The following STK32A variants were observed in gnomAD, a reference collection of about 807,000 sequenced individuals.
The protein encoded by STK32A is serine/threonine kinase 32A.
In STK32A, 41 loss-of-function variants were observed where a neutral mutation model predicts 53.2. The ratio of observed to expected loss-of-function variants is 0.77; its 90% CI spans 0.60 to 1.00. STK32A has a LOEUF of 1.00. Ranked by LOEUF, STK32A falls within the 50% of genes least tolerant of loss-of-function variation. The pLI is 0.00. For missense variants in STK32A, 458 were observed against 485.8 expected (o/e 0.94, Z 0.54); for synonymous variants, 166 against 162.8 (o/e 1.02, Z -0.15).
intron 7 of STK32A, among the ~76,000 whole-genome samples, chr5:147,357,965 CTCTT>C (rs1016525097): frequency 7.9e-5 from 12 of 152,048 alleles, no homozygotes; most frequent in African/African-American, 2.4e-4. Flanking sequence ...GGATGCGGGA[CTCTT>C]TCTTTATTCT....
intron 2 of STK32A, among the ~76,000 whole-genome samples, chr5:147,259,626 G>T (rs772260550): frequency 3.9e-4 from 59 of 151,988 alleles, no homozygotes; most frequent in Admixed American, 3.3e-3. Flanking sequence ...CATGTGCCAC[G>T]TTGGTGTGCT....
chr5:147,288,161 G>C (rs1335248153), intron 4 of STK32A, among the ~76,000 whole-genome samples: 2 of 152,074 alleles, frequency 1.3e-5, no homozygotes, highest in African/African-American at 4.8e-5. Context: ...CATTAACAAT[G>C]ATAGAAGAAA....
the STK32A span, chr5:147,397,753 G>A: frequency 1.9e-6 from 3 of 1,614,078 alleles, no homozygotes; most frequent in African/African-American, 2.7e-5. Flanking sequence ...TCACGTGCAG[G>A]TTGCCATCTT....
At chr5:147,381,270 G>A (rs925611657) in intron 11 of STK32A, among the ~76,000 whole-genome samples, 7 of 152,136 alleles carry the variant, frequency 4.6e-5, no homozygotes, top group Non-Finnish European at 1.0e-4. Context: ...AAATCTGCCC[G>A]TCATCTTATG....
At chr5:147,262,132 C>A (rs1326172658) in intron 2 of STK32A, among the ~76,000 whole-genome samples, 1 of 152,126 alleles carries the variant, frequency 6.6e-6, no homozygotes, top group African/African-American at 2.4e-5. Flanking sequence ...CATTAAAGAG[C>A]AGATACTGAG....
intron 2 of STK32A, among the ~76,000 whole-genome samples, chr5:147,261,117 G>A (rs994750958): frequency 1.3e-5 from 2 of 152,126 alleles, no homozygotes; most frequent in Non-Finnish European, 2.9e-5. Context: ...CTGCCACAAG[G>A]GGACGGGGTG....
intron 2 of STK32A, among the ~76,000 whole-genome samples, chr5:147,276,311 T>C (rs1440024706): frequency 6.6e-6 from 1 of 152,212 alleles, no homozygotes; most frequent in Admixed American, 6.5e-5. Flanking sequence ...TACTCAAGTA[T>C]ATGAAATGGA....
At chr5:147,237,247 AG>A (rs1489712263) in intron 1 of STK32A, among the ~76,000 whole-genome samples, 3 of 151,994 alleles carry the variant, frequency 2.0e-5, no homozygotes, top group Non-Finnish European at 4.4e-5. Flanking sequence ...CAGGAGGCAG[AG>A]CTTGCAGTGA....
rs1329049675 is a variant in STK32A at position 147,317,591 on chromosome 5, C to T, written c.261-6307C>T. 1.3e-5 allele frequency among the ~76,000 whole-genome samples: 2 copies of T among 152,024 alleles called. 1 individual carries two copies. The highest frequency in any genetic ancestry group is 2.9e-5 in the Non-Finnish European group (2 of 68,000). On this transcript the variant is annotated intron_variant, in intron 4 of 12. Transcript: ENST00000397936. ...CCACCCGCTTCAGCCTCCCAAAGTG[C>T]TGGGATTGCAGGCGTGAGCCACTGC...
chr5:147,336,320 T>C (rs756319098), intron 5 of STK32A, among the ~76,000 whole-genome samples: 5 of 152,012 alleles, frequency 3.3e-5, no homozygotes, highest in Non-Finnish European at 7.4e-5. Flanking sequence ...CAGCCCCTTT[T>C]CCAATCTCCC....
At position 147,254,160 on chromosome 5, in the gene STK32A, G is replaced by A. The variant is rs145008010; in HGVS notation, c.52+14474G>A. On this transcript the variant is annotated intron_variant, in intron 2 of 12. Coordinates refer to ENST00000397936, the MANE Select transcript of STK32A (RefSeq NM_001112724.2). ...ATTTTGATACTGTACCATCTTAACC[G>A]AACATGTTATATCTGCAACAACCCC... Among the ~76,000 whole-genome samples the A allele has an allele frequency of 1.6e-3, 250 of 152,228 alleles. 1 individual carries two copies. The highest frequency in any genetic ancestry group is 5.5e-3 in the African/African-American group (228 of 41,536).
At chr5:147,374,033 G>A (rs1252909617) in intron 10 of STK32A, among the ~76,000 whole-genome samples, 1 of 152,108 alleles carries the variant, frequency 6.6e-6, no homozygotes, top group African/African-American at 2.4e-5. Flanking sequence ...GGCAGCTCAG[G>A]CCTGCAATCT....
chr5:147,350,524 G>C (rs1483843421), intron 6 of STK32A, among the ~76,000 whole-genome samples: 2 of 151,816 alleles, frequency 1.3e-5, no homozygotes, highest in African/African-American at 4.8e-5. Flanking sequence ...ACCACGCCCA[G>C]CTAATTTTTT....
At chr5:147,256,847 G>C (rs1754259466) in intron 2 of STK32A, among the ~76,000 whole-genome samples, 1 of 152,032 alleles carries the variant, frequency 6.6e-6, no homozygotes. Context: ...TAGCTATCTT[G>C]GTCTTGTTGT....
At chr5:147,259,687 A>G (rs1292547448) in intron 2 of STK32A, among the ~76,000 whole-genome samples, 1 of 151,428 alleles carries the variant, frequency 6.6e-6, no homozygotes, top group African/African-American at 2.4e-5. Flanking sequence ...TACTACTTCT[A>G]TCTCTTTCTT....
chr5:147,246,912 A>C (rs1278088564), intron 2 of STK32A, among the ~76,000 whole-genome samples: 2 of 152,190 alleles, frequency 1.3e-5, no homozygotes, highest in Non-Finnish European at 2.9e-5. Context: ...ATGAAAATTC[A>C]TTGCTTCTTT....
intron 2 of STK32A, among the ~76,000 whole-genome samples, chr5:147,261,143 G>A (rs190482956): frequency 7.2e-5 from 11 of 152,276 alleles, no homozygotes; most frequent in Admixed American, 5.2e-4. Context: ...CCTCAGGAGA[G>A]ACAACCAGAG....
chr5:147,236,782 T>C (rs1753342789), intron 1 of STK32A, among the ~76,000 whole-genome samples: 1 of 152,094 alleles, frequency 6.6e-6, no homozygotes, highest in Non-Finnish European at 1.5e-5. Context: ...ACATGGAAAA[T>C]TGCGATAATA....
intron 11 of STK32A, among the ~76,000 whole-genome samples, chr5:147,379,758 C>A (rs894728530): frequency 6.6e-6 from 1 of 152,154 alleles, no homozygotes; most frequent in Non-Finnish European, 1.5e-5. Context: ...CCTGCTCTAA[C>A]CCCTTCCAAT....
Sources: gnomAD v4.1 joint callset for allele counts (sites outside exome capture counted in the v4.1 genomes callset) on GRCh38, gnomAD v4.1.1 for gene constraint, MANE v1.5 for transcripts, NCBI Gene and HGNC (gene_info 2026-07-23, HGNC 2026-07-21) for gene names.